The following ADK variants were observed in gnomAD, a reference collection of about 807,000 sequenced individuals.
The protein encoded by ADK is N6,N6-dimethyladenosine kinase.
Under a neutral mutation model 44.7 loss-of-function variants are expected in ADK, and 24 were observed. The ratio of observed to expected loss-of-function variants is 0.54; its 90% CI spans 0.39 to 0.76. The LOEUF (loss-of-function observed/expected upper bound fraction) is 0.76, where lower values mean the gene tolerates loss of function less well. Among genes scored for constraint, ADK ranks in the 30% least tolerant of loss-of-function variants. The pLI, the probability that ADK is intolerant of heterozygous loss-of-function variation, is 0.00. For missense variants in ADK, 321 were observed against 425.1 expected, an observed-to-expected ratio of 0.76 and a Z score of 2.15; for synonymous variants, 128 against 142.6, an observed-to-expected ratio of 0.90 and a Z score of 0.73.
At chr10:74,176,834 G>A (rs769701546) in intron 1 of ADK, 7 of 1,605,724 alleles carry the variant, frequency 4.4e-6, no homozygotes, top group Non-Finnish European at 5.1e-6. Flanking sequence ...GTAGAGCATC[G>A]GACGCGGGCG....
chr10:74,157,220 C>T (rs1270803449), intron 1 of ADK, among the ~76,000 whole-genome samples: 1 of 152,152 alleles, frequency 6.6e-6, no homozygotes, highest in Non-Finnish European at 1.5e-5. Flanking sequence ...GGTGGCCTAT[C>T]ACAGAACCCC....
chr10:74,625,740 T>C (rs1195846691), intron 9 of ADK, among the ~76,000 whole-genome samples: 3 of 152,132 alleles, frequency 2.0e-5, no homozygotes, highest in Non-Finnish European at 4.4e-5. Context: ...GTAAAAGCAC[T>C]AGGGAAATGC....
intron 3 of ADK, among the ~76,000 whole-genome samples, chr10:74,264,064 A>G (rs1355926638): frequency 1.3e-5 from 2 of 152,362 alleles, no homozygotes; most frequent in East Asian, 1.9e-4. Context: ...CAGTTACACT[A>G]GCAACATTTA....
intron 6 of ADK, among the ~76,000 whole-genome samples, chr10:74,449,045 A>G (rs1400868038): frequency 6.6e-6 from 1 of 152,158 alleles, no homozygotes; most frequent in African/African-American, 2.4e-5. Context: ...TTGTTGGTTG[A>G]TCGATTTTGA....
intron 4 of ADK, among the ~76,000 whole-genome samples, chr10:74,362,305 C>G (rs148876043): frequency 6.6e-6 from 1 of 151,338 alleles, no homozygotes; most frequent in Admixed American, 6.6e-5. Context: ...TCTTTGAACT[C>G]ACTGATTCTT....
In ADK at chr10:74,188,587, C is replaced by T. The variant is rs544192133; in HGVS notation, c.66-12177C>T. ...CAGGATGGTCTCCATCTCCTGACCT[C>T]GTGACCTGCCTGCCTCGGCCTCTCA... is the stretch of plus-strand genomic sequence containing the variant. On this transcript the variant is annotated intron_variant, in intron 1 of 10. Transcript: ENST00000539909. Among the ~76,000 whole-genome samples, 10 of 152,064 alleles carry T rather than the reference C, an allele frequency of 6.6e-5. No individual in the cohort carries two copies. In the South Asian group the frequency reaches 1.0e-3, roughly 16 times the overall value.
intron 10 of ADK, among the ~76,000 whole-genome samples, chr10:74,693,091 T>C (rs1340330459): frequency 6.6e-6 from 1 of 152,208 alleles, no homozygotes; most frequent in African/African-American, 2.4e-5. Context: ...TATTATTATA[T>C]TTGTCAAATC....
chr10:74,516,104 C>T (rs1055926758), intron 6 of ADK, among the ~76,000 whole-genome samples: 2 of 152,086 alleles, frequency 1.3e-5, no homozygotes, highest in Non-Finnish European at 2.9e-5. Flanking sequence ...CAGGTCAGTG[C>T]GTCTGCATGA....
At chr10:74,301,563 G>C (rs1564641771) in intron 3 of ADK, among the ~76,000 whole-genome samples, 1 of 148,440 alleles carries the variant, frequency 6.7e-6, no homozygotes, top group East Asian at 2.0e-4. Flanking sequence ...TAAATGAAAT[G>C]TTATTTCCCC....
At chr10:74,633,997 G>A (rs1384333401) in intron 9 of ADK, among the ~76,000 whole-genome samples, 1 of 152,148 alleles carries the variant, frequency 6.6e-6, no homozygotes. Flanking sequence ...CAAATCTCTG[G>A]ATGACCCCTC....
intron 10 of ADK, among the ~76,000 whole-genome samples, chr10:74,687,402 T>C (rs1040646307): frequency 3.3e-5 from 5 of 152,260 alleles, no homozygotes; most frequent in Non-Finnish European, 5.9e-5. Context: ...TCACTTTTTA[T>C]ACAATGTCAT....
intron 9 of ADK, among the ~76,000 whole-genome samples, chr10:74,617,076 T>G (rs1852793352): frequency 6.6e-6 from 1 of 152,226 alleles, no homozygotes; most frequent in South Asian, 2.1e-4. Context: ...TATCAGATAA[T>G]TATTTTGGAT....
At chr10:74,346,386 C>T (rs571512911) in intron 4 of ADK, among the ~76,000 whole-genome samples, 1 of 152,212 alleles carries the variant, frequency 6.6e-6, no homozygotes, top group East Asian at 1.9e-4. Flanking sequence ...TAGGCCTCAT[C>T]CTTTGTAATT....
intron 3 of ADK, among the ~76,000 whole-genome samples, chr10:74,244,975 C>T (rs1443237505): frequency 6.6e-6 from 1 of 152,144 alleles, no homozygotes; most frequent in East Asian, 1.9e-4. Context: ...TTAATGTAGT[C>T]TTTTTCCCGC....
intron 9 of ADK, among the ~76,000 whole-genome samples, chr10:74,646,963 T>C (rs1251563666): frequency 6.6e-6 from 1 of 152,228 alleles, no homozygotes; most frequent in East Asian, 1.9e-4. Context: ...CTAAGGCTTG[T>C]TCATGAAATT....
intron 7 of ADK, among the ~76,000 whole-genome samples, chr10:74,546,486 A>G (rs1258270786): frequency 6.6e-6 from 1 of 152,154 alleles, no homozygotes; most frequent in Non-Finnish European, 1.5e-5. Context: ...AATGAGAAAA[A>G]TACTCCACGA....
intron 6 of ADK, among the ~76,000 whole-genome samples, chr10:74,480,025 A>G (rs1453613109): frequency 6.6e-6 from 1 of 151,870 alleles, no homozygotes; most frequent in Non-Finnish European, 1.5e-5. Context: ...CTTCTAATAC[A>G]TTTCTCAGGA....
At chr10:74,460,427 A>G (rs959459184) in intron 6 of ADK, among the ~76,000 whole-genome samples, 2 of 152,110 alleles carry the variant, frequency 1.3e-5, no homozygotes, top group African/African-American at 4.8e-5. Context: ...TTTATTTTTT[A>G]TTACACACAC....
intron 6 of ADK, among the ~76,000 whole-genome samples, chr10:74,433,778 CAG>C (rs1592207621): frequency 2.0e-5 from 3 of 151,846 alleles, no homozygotes; most frequent in Non-Finnish European, 4.4e-5. Context: ...ATGAGAGTAA[CAG>C]TGTTAAAATC....
Sources: gnomAD v4.1 joint callset for allele counts (sites outside exome capture counted in the v4.1 genomes callset) on GRCh38, gnomAD v4.1.1 for gene constraint, MANE v1.5 for transcripts, NCBI Gene and HGNC (gene_info 2026-07-23, HGNC 2026-07-21) for gene names.